KCNMA1: variants seen among roughly 807,000 people sequenced by gnomAD.
The protein encoded by KCNMA1 is Calcium-activated potassium channel subunit alpha-1.
KCNMA1 carries 29 observed loss-of-function variants against 140.0 expected under a neutral mutation model. The ratio of observed to expected loss-of-function variants is 0.21; its 90% CI spans 0.15 to 0.28. KCNMA1 has a LOEUF of 0.28. Among genes scored for constraint, KCNMA1 ranks in the 10% least tolerant of loss-of-function variants. KCNMA1 has a pLI of 1.00. For synonymous variants in KCNMA1, 612 were observed against 611.9 expected (o/e 1.00, Z 0.00); for missense variants, 880 against 1,602.2 (o/e 0.55, Z 7.70).
intron 20 of KCNMA1, among the ~76,000 whole-genome samples, chr10:76,958,802 C>G (rs372674354): frequency 1.8e-4 from 28 of 152,150 alleles, no homozygotes; most frequent in African/African-American, 5.3e-4. Flanking sequence ...CTTCTAGCCA[C>G]CAGAACTGTG....
At chr10:77,270,151 G>T (rs7911878) in intron 2 of KCNMA1, among the ~76,000 whole-genome samples, 10,454 of 152,198 alleles carry the variant, frequency 0.069, 1,178 homozygotes, top group African/African-American at 0.24. Context: ...CAGTGGCAAT[G>T]CAGGCCTCAT....
chr10:77,218,228 C>T (rs753222285), intron 3 of KCNMA1, among the ~76,000 whole-genome samples: 14 of 152,148 alleles, frequency 9.2e-5, no homozygotes, highest in South Asian at 2.1e-4. Context: ...CAAATTACAA[C>T]GTCACTAGCT....
intron 14 of KCNMA1, among the ~76,000 whole-genome samples, chr10:77,042,166 T>G (rs2094751202): frequency 6.6e-6 from 1 of 151,802 alleles, no homozygotes; most frequent in South Asian, 2.1e-4. Context: ...TTCCCCAGAG[T>G]GGGGTCTTTA....
At chr10:77,266,411 G>A (rs1256124250) in intron 2 of KCNMA1, among the ~76,000 whole-genome samples, 1 of 152,096 alleles carries the variant, frequency 6.6e-6, no homozygotes, top group African/African-American at 2.4e-5. Context: ...GAACTTTTTG[G>A]CAATAATATG....
chr10:76,929,298 C>A (rs1308644946), intron 23 of KCNMA1, among the ~76,000 whole-genome samples: 1 of 152,168 alleles, frequency 6.6e-6, no homozygotes, highest in Non-Finnish European at 1.5e-5. Context: ...TGCCTTTAGG[C>A]CCATGGCCTG....
chr10:77,448,411 C>T (rs1048950404), intron 1 of KCNMA1, among the ~76,000 whole-genome samples: 2 of 152,194 alleles, frequency 1.3e-5, no homozygotes, highest in Non-Finnish European at 2.9e-5. Flanking sequence ...CCAACAAAGA[C>T]GATAATTGTC....
chr10:77,238,932 C>T (rs1222127634), intron 3 of KCNMA1, among the ~76,000 whole-genome samples: 1 of 152,142 alleles, frequency 6.6e-6, no homozygotes, highest in Non-Finnish European at 1.5e-5. Flanking sequence ...ACATACATTG[C>T]CTTCTATAAT....
chr10:77,274,762 A>AT (rs2066150130), intron 2 of KCNMA1, among the ~76,000 whole-genome samples: 1 of 152,336 alleles, frequency 6.6e-6, no homozygotes, highest in Admixed American at 6.5e-5. Context: ...AATGTAGGTG[A>AT]TTAATAACTA....
chr10:77,157,788 A>G (rs2098505524), intron 5 of KCNMA1, among the ~76,000 whole-genome samples: 1 of 152,210 alleles, frequency 6.6e-6, no homozygotes, highest in Non-Finnish European at 1.5e-5. Context: ...ATGAGGCTGC[A>G]GTGTCTCCAA....
intron 1 of KCNMA1, among the ~76,000 whole-genome samples, chr10:77,531,191 C>T (rs997690635): frequency 2.0e-5 from 3 of 152,208 alleles, no homozygotes; most frequent in African/African-American, 7.2e-5. Context: ...CTTTGCCGCT[C>T]TTGTAAGCAT....
chr10:76,980,799 T>C (rs2079195912), intron 19 of KCNMA1, among the ~76,000 whole-genome samples: 3 of 152,128 alleles, frequency 2.0e-5, no homozygotes, highest in Non-Finnish European at 2.9e-5. Context: ...GAAATAAAGA[T>C]TTTAAGGCAT....
chr10:76,923,250 T>C (rs2056524097), intron 23 of KCNMA1, among the ~76,000 whole-genome samples: 1 of 152,106 alleles, frequency 6.6e-6, no homozygotes, highest in Non-Finnish European at 1.5e-5. Context: ...CAAATATATT[T>C]ACAGGACTTG....
chr10:77,532,346 C>T (rs2057858243), intron 1 of KCNMA1, among the ~76,000 whole-genome samples: 4 of 152,188 alleles, frequency 2.6e-5, no homozygotes. Flanking sequence ...ACAGATTCTC[C>T]CCGCCAGTAC....
chr10:77,070,998 A>T (rs1474824953), intron 14 of KCNMA1, among the ~76,000 whole-genome samples: 1 of 152,214 alleles, frequency 6.6e-6, no homozygotes, highest in East Asian at 1.9e-4. Flanking sequence ...AACAGGCGGG[A>T]ATTGGCCTTA....
chr10:77,423,096 C>G (rs2154487382), intron 1 of KCNMA1, among the ~76,000 whole-genome samples: 1 of 152,336 alleles, frequency 6.6e-6, no homozygotes, highest in Admixed American at 6.5e-5. Context: ...CACTGCTAGA[C>G]AGTGGGTGTC....
chr10:77,039,883 C>CTTTTTTTTTTTTTTTTTTTTTTTTTTT (rs34943268), intron 14 of KCNMA1, among the ~76,000 whole-genome samples: 4 of 78,952 alleles, frequency 5.1e-5, no homozygotes, highest in African/African-American at 1.0e-4. Context: ...TTTTCTTTTT[C>CTTTTTTTTTTTTTTTTTTTTTTTTTTT]TTTTTTTTTT....
rs7910089 is a variant in KCNMA1, at chr10:77,377,124, G to A, written c.540+26738C>T. Among the ~76,000 whole-genome samples the A allele has an allele frequency of 4.1e-3, 624 of 152,286 alleles. 7 individuals carry two copies. The highest frequency in any genetic ancestry group is 0.015 in the African/African-American group (603 of 41,554). ...CTGGTCAGAGATGCTGGGACAGCCTGGACGTGGGAAAGAAGGGATCTACGC... is the reference window on the plus strand; with the variant it reads ...CTGGTCAGAGATGCTGGGACAGCCTAGACGTGGGAAAGAAGGGATCTACGC... On this transcript the variant is annotated intron_variant, in intron 2 of 27. Transcript: ENST00000286628.
chr10:77,375,488 G>A (rs2095033328), intron 2 of KCNMA1, among the ~76,000 whole-genome samples: 1 of 152,150 alleles, frequency 6.6e-6, no homozygotes, highest in Non-Finnish European at 1.5e-5. Context: ...TGCCTGCCTG[G>A]GGCTACCAAG....
At chr10:77,182,607 T>C (rs1416791411) in intron 5 of KCNMA1, among the ~76,000 whole-genome samples, 1 of 152,182 alleles carries the variant, frequency 6.6e-6, no homozygotes, top group African/African-American at 2.4e-5. Flanking sequence ...TATTACTTTT[T>C]AAATAATTAA....
Sources: allele counts gnomAD v4.1 joint callset (sites outside exome capture counted in the v4.1 genomes callset), GRCh38; gene constraint gnomAD v4.1.1; transcripts MANE v1.5; gene names NCBI Gene and HGNC (gene_info 2026-07-23, HGNC 2026-07-21).